Variants in KRT72 observed in about 807,000 individuals in gnomAD.
KRT72 encodes the protein keratin 72, also known as keratin, type II cytoskeletal 72.
In KRT72, 44 loss-of-function variants were observed where a neutral mutation model predicts 44.7. The observed-to-expected ratio is 0.98, with a 90% confidence interval of 0.77 to 1.27. The LOEUF is 1.27. Ranked by LOEUF, KRT72 falls within the 50% of genes most tolerant of loss-of-function variation. The probability of loss-of-function intolerance (pLI) is 0.00; values close to 1 mark genes in which losing one functional copy is unlikely to be tolerated. For missense variants in KRT72, 736 were observed against 667.1 expected (o/e 1.10, Z -1.14); for synonymous variants, 302 against 280.4 (o/e 1.08, Z -0.77).
In KRT72 at chr12:52,591,450, T is replaced by C; in HGVS notation, c.963+14A>G. The C allele has an allele frequency of 1.2e-6, 2 of 1,611,254 alleles. No individual in the cohort carries two copies. The highest frequency in any genetic ancestry group is 1.7e-6 in the Non-Finnish European group (2 of 1,177,868). On this transcript the variant is annotated intron_variant, in intron 5 of 8. Transcript: ENST00000293745. ...TGTGGCCAGTGGGACTCAGCACACC[T>C]GGCACCAGCTCACCTTGGTCTGGTA...
intron 4 of KRT72, 46 bp from the exon 5 acceptor site, chr12:52,591,674 G>A (rs1940035584): frequency 6.4e-7 from 1 of 1,554,984 alleles, no homozygotes; most frequent in Non-Finnish European, 8.8e-7. Flanking sequence ...GTACTCATGA[G>A]GAACCAGTTC....
upstream of KRT72, chr12:52,601,476 C>A: frequency 6.5e-7 from 1 of 1,531,062 alleles, no homozygotes; most frequent in Non-Finnish European, 8.7e-7. Context: ...CGGTGCTGGC[C>A]GCGCGGGAGG....
At chr12:52,591,323 A>T in intron 5 of KRT72, 141 bp downstream of exon 5, 1 of 893,374 alleles carries the variant, frequency 1.1e-6, no homozygotes, top group Non-Finnish European at 1.7e-6. Context: ...CGCAAGGCCC[A>T]ACTTCAAGAC....
chr12:52,591,614 G>A lies in KRT72; in HGVS notation c.813C>T (p.Ile271=). 6.2e-7 allele frequency: 1 copy of A among 1,611,760 alleles called. No homozygotes were observed. The highest frequency in any genetic ancestry group is 8.5e-7 in the Non-Finnish European group (1 of 1,178,114). ...KCLYEGEITQ[I]QSHISDTSIV... ...TGGACGTGTCGCTGATGTGGGACTGGATCTGAGTGATCTCCTGGGGACGGT... is the reference window on the plus strand; with the variant it reads ...TGGACGTGTCGCTGATGTGGGACTGAATCTGAGTGATCTCCTGGGGACGGT... The change falls in exon 5 of 9, where the codon ATC becomes ATT. Residue 271 remains isoleucine (I), a synonymous_variant. Coordinates refer to ENST00000293745, the MANE Select transcript of KRT72 (RefSeq NM_080747.3).
chr12:52,586,577 C>T (rs372525098), intron 8 of KRT72, among the ~76,000 whole-genome samples: 1 of 152,230 alleles, frequency 6.6e-6, no homozygotes, highest in African/African-American at 2.4e-5. Context: ...CTCATTCACT[C>T]ATTCAACTAT....
At chr12:52,596,051 G>A (rs1940217318) in intron 2 of KRT72, among the ~76,000 whole-genome samples, 1 of 152,136 alleles carries the variant, frequency 6.6e-6, no homozygotes, top group Non-Finnish European at 1.5e-5. Context: ...TGAGTGTGGG[G>A]TACTTTGTAG....
At chr12:52,596,464 A>G (rs917283438) in intron 2 of KRT72, among the ~76,000 whole-genome samples, 1 of 152,158 alleles carries the variant, frequency 6.6e-6, no homozygotes, top group African/African-American at 2.4e-5. Flanking sequence ...AAAATTAGCA[A>G]TACATTTCGT....
intron 2 of KRT72, among the ~76,000 whole-genome samples, chr12:52,595,832 G>A (rs978887380): frequency 2.6e-5 from 4 of 152,178 alleles, no homozygotes; most frequent in South Asian, 2.1e-4. Flanking sequence ...TCTTGGTAAA[G>A]CCTTATTGAA....
chr12:52,586,856 A>C lies in KRT72; in HGVS notation c.1345+90T>G, dbSNP rs922166405. On this transcript the variant is annotated intron_variant, in intron 8 of 8. Transcript: ENST00000293745. ...AAGTCTCCCCTGAGCCCCCTCTGTC[A>C]TTCTGATTTCTCTTTTGTGTCATGA... The C allele has an allele frequency of 7.0e-6, 9 of 1,280,488 alleles. No homozygotes were observed. The Middle Eastern group carries it at 7.3e-4, about 104-fold the overall frequency. 79.3% of individuals were successfully genotyped at this position (1,280,488 alleles called of 1,614,324 possible).
chr12:52,593,659 T>A (rs1043447159), intron 2 of KRT72, among the ~76,000 whole-genome samples: 12 of 146,968 alleles, frequency 8.2e-5, no homozygotes, highest in Non-Finnish European at 1.6e-4. Flanking sequence ...GGTGTATACA[T>A]ACAATGGGAT....
upstream of KRT72, chr12:52,601,616 A>T (rs1167161939): frequency 3.0e-6 from 2 of 664,192 alleles, no homozygotes; most frequent in Non-Finnish European, 5.0e-6. Context: ...TGGGTTCTTC[A>T]TGTAGGAAAT....
At chr12:52,597,925 T>A (rs1306968322) in intron 2 of KRT72, among the ~76,000 whole-genome samples, 2 of 152,172 alleles carry the variant, frequency 1.3e-5, no homozygotes, top group Admixed American at 1.3e-4. Context: ...GCCACTCCAG[T>A]CTGAAAGGCC....
chr12:52,586,880 G>A, intron 8 of KRT72, 66 bp downstream of exon 8: 1 of 1,437,258 alleles, frequency 7.0e-7, no homozygotes, highest in Non-Finnish European at 9.8e-7. Flanking sequence ...TTTGTGTCAT[G>A]AATTAAAGGG....
At chr12:52,592,359 G>T in intron 4 of KRT72, 37 bp downstream of exon 4, 5 of 1,410,098 alleles carry the variant, frequency 3.5e-6, no homozygotes, top group Non-Finnish European at 5.0e-6. Context: ...CTTGTTAAAG[G>T]AGCAGATCTC....
rs61740873 is a variant in KRT72, at chr12:52,598,960, G to C, written c.579C>G (p.Asp193Glu). The C allele has an allele frequency of 6.3e-5, 102 of 1,614,080 alleles. No homozygotes were observed. The African/African-American group carries it at 1.1e-3, about 17-fold the overall frequency. Residue 193 changes from aspartate (D) to glutamate (E), a missense_variant, in exon 2 of 9, where the codon GAC becomes GAG. Coordinates refer to ENST00000293745, the MANE Select transcript of KRT72 (RefSeq NM_080747.3). ...TCAGCTCCGAATCCAGCCTCACCCC[G>C]TCCCCAGACAGCATCTCCAGCTGCT... is the stretch of plus-strand genomic sequence containing the variant. The part of the protein sequence containing the change: ...LQKQLEMLSG[D>E]GVRLDSELRN...
Position 52,601,434 on chromosome 12 carries a change from G to T in KRT72, c.19C>A (p.His7Asn). The part of the protein sequence containing the change: MSRQLT[H>N]FPRGERLGFS... Reference sequence around the variant, plus strand: ...CCCAGGCGCTCCCCGCGGGGGAAATGGGTCAGTTGGCGGCTCATGGCTCGC... The same window carrying T: ...CCCAGGCGCTCCCCGCGGGGGAAATTGGTCAGTTGGCGGCTCATGGCTCGC... The change falls in exon 1 of 9, where the codon CAT becomes AAT. Residue 7 changes from histidine (H) to asparagine (N), a missense_variant. His to Asn is a moderately conservative substitution (Grantham distance 68). Coordinates refer to ENST00000293745, the MANE Select transcript of KRT72 (RefSeq NM_080747.3). 6.5e-7 allele frequency: 1 copy of T among 1,538,182 alleles called. No homozygotes were observed.
intron 4 of KRT72, among the ~76,000 whole-genome samples, chr12:52,591,924 C>T (rs1343172519): frequency 3.3e-5 from 5 of 152,182 alleles, no homozygotes; most frequent in African/African-American, 9.7e-5. Context: ...GAACTCTTTA[C>T]CTAGCATGTG....
At chr12:52,593,474 A>C (rs1373040244) in intron 2 of KRT72, among the ~76,000 whole-genome samples, 2 of 152,274 alleles carry the variant, frequency 1.3e-5, no homozygotes, top group East Asian at 3.8e-4. Flanking sequence ...GATGTTCTTA[A>C]TACAGACATA....
intron 7 of KRT72, 130 bp downstream of exon 7, chr12:52,587,501 A>C (rs1939814404): frequency 4.1e-6 from 4 of 983,440 alleles, no homozygotes; most frequent in Middle Eastern, 2.2e-4. Flanking sequence ...CTTCCTAATC[A>C]TGTGACAAGC....
Sources: allele counts gnomAD v4.1 joint callset (sites outside exome capture counted in the v4.1 genomes callset), GRCh38; gene constraint gnomAD v4.1.1; transcripts MANE v1.5; gene names NCBI Gene and HGNC (gene_info 2026-07-23, HGNC 2026-07-21).